KIRREL3: variants seen among roughly 807,000 people sequenced by gnomAD.
The protein encoded by KIRREL3 is kirre like nephrin family adhesion molecule 3.
Under a neutral mutation model 89.7 loss-of-function variants are expected in KIRREL3, and 36 were observed. The observed-to-expected ratio is 0.40, with a 90% CI of 0.31 to 0.53. The LOEUF (loss-of-function observed/expected upper bound fraction) is 0.53, where lower values mean the gene tolerates loss of function less well. Ranked by LOEUF, KIRREL3 falls within the 20% of genes least tolerant of loss-of-function variation. KIRREL3 has a pLI of 0.49. For missense variants in KIRREL3, 864 were observed against 1,056.6 expected, an observed-to-expected ratio of 0.82 and a Z score of 2.53; for synonymous variants, 445 against 441.4, an observed-to-expected ratio of 1.01 and a Z score of -0.10.
intron 4 of KIRREL3, among the ~76,000 whole-genome samples, chr11:126,494,052 T>C (rs1893000): frequency 0.87 from 132,655 of 152,218 alleles, 57,853 homozygotes; most frequent in East Asian, 0.96. Flanking sequence ...CAAATCAGAA[T>C]GAATGTAAAA....
rs1418761115 is a variant in KIRREL3 at position 126,908,004 on chromosome 11, T to C, written c.55+92451A>G. 1.3e-5 allele frequency among the ~76,000 whole-genome samples: 2 copies of C among 152,188 alleles called. No individual in the cohort carries two copies. Among genetic ancestry groups the C allele is most frequent in the Admixed American group, 6.5e-5 (1 of 15,278 alleles). ...CAAAGGCTTTCTTGACCACCTGTGA[T>C]GTCACACCGCCACCCAAAAGACACC... On this transcript the variant is annotated intron_variant, in intron 1 of 16. Transcript: ENST00000525144. The surrounding 1 kb of genome is among the most constrained non-coding windows in gnomAD (Gnocchi z 4.2).
intron 1 of KIRREL3, among the ~76,000 whole-genome samples, chr11:126,864,568 T>C (rs1261576710): frequency 6.6e-6 from 1 of 152,186 alleles, no homozygotes; most frequent in African/African-American, 2.4e-5. Flanking sequence ...TGAACTGGTC[T>C]TGGGTAGTCT....
chr11:126,656,897 C>T lies in KIRREL3; in HGVS notation c.56-93985G>A, dbSNP rs1004383190. 6.6e-6 allele frequency among the ~76,000 whole-genome samples: 1 copy of T among 152,088 alleles called. No homozygotes were observed. The highest frequency in any genetic ancestry group is 1.9e-4 in the East Asian group (1 of 5,148). ...TGGGACCCCGTCTCTACTAGGAATA[C>T]AGGGGTTGGCTGGGCATGGTGGTGT... On this transcript the variant is annotated intron_variant, in intron 1 of 16. Coordinates refer to ENST00000525144, the MANE Select transcript of KIRREL3 (RefSeq NM_032531.4). The surrounding 1 kb of genome is among the most constrained non-coding windows in gnomAD (Gnocchi z 4.0).
In KIRREL3 at chr11:126,428,937, G is replaced by C. The variant is rs973572337; in HGVS notation, c.1806+242C>G. ...GTTGGGATTGCAAGCGTGAGCCACT[G>C]CACCTGGCCTGGACTGCATCTTAGA... On this transcript the variant is annotated intron_variant, in intron 15 of 16. Coordinates refer to ENST00000525144, the MANE Select transcript of KIRREL3 (RefSeq NM_032531.4). This position sits in a 1 kb window ranked among gnomAD's most constrained non-coding sequence, Gnocchi z 6.4. Among the ~76,000 whole-genome samples, 10 of 152,226 alleles carry C rather than the reference G, an allele frequency of 6.6e-5. No homozygotes were observed. Among genetic ancestry groups the C allele is most frequent in the Admixed American group, 6.5e-4 (10 of 15,282 alleles).
Position 126,501,103 on chromosome 11 carries a change from A to T in KIRREL3, c.433+20212T>A, listed in dbSNP as rs1766088847. On this transcript the variant is annotated intron_variant, in intron 4 of 16. Transcript: ENST00000525144. This position sits in a 1 kb window ranked among gnomAD's most constrained non-coding sequence, Gnocchi z 5.8. ...CTCTGGGTTTCATTTCCTTGCTGTG[A>T]GCCTTGTGCGAGGCAGGATATCTCC... is the stretch of plus-strand genomic sequence containing the variant. Among the ~76,000 whole-genome samples, 1 of 152,086 alleles carries T rather than the reference A, an allele frequency of 6.6e-6. No homozygotes were observed. Among genetic ancestry groups the T allele is most frequent in the South Asian group, 2.1e-4 (1 of 4,824 alleles).
chr11:126,873,305 G>T (rs772495630), intron 1 of KIRREL3, among the ~76,000 whole-genome samples: 1 of 152,138 alleles, frequency 6.6e-6, no homozygotes, highest in Non-Finnish European at 1.5e-5. Context: ...GCTGAGGTAT[G>T]CATATAACAC....
rs1474957060 is a variant in KIRREL3, at chr11:126,677,389, C to A, written c.56-114477G>T. On this transcript the variant is annotated intron_variant, in intron 1 of 16. Coordinates refer to ENST00000525144, the MANE Select transcript of KIRREL3 (RefSeq NM_032531.4). This position sits in a 1 kb window ranked among gnomAD's most constrained non-coding sequence, Gnocchi z 5.1. ...AGGATTGCACGTTCCCATCTGATAA[C>A]CGAATCTCCATTCTGGAGAAAGGAT... Among the ~76,000 whole-genome samples, 1 of 152,190 alleles carries A rather than the reference C, an allele frequency of 6.6e-6. No homozygotes were observed. Among genetic ancestry groups the A allele is most frequent in the East Asian group, 1.9e-4 (1 of 5,196 alleles).
chr11:126,592,317 T>C (rs959849627), intron 1 of KIRREL3, among the ~76,000 whole-genome samples: 15 of 152,178 alleles, frequency 9.9e-5, no homozygotes, highest in African/African-American at 3.6e-4. Context: ...TAATACTATG[T>C]CTTATTATAC....
chr11:126,647,161 G>C lies in KIRREL3; in HGVS notation c.56-84249C>G, dbSNP rs574432551. The stretch of plus-strand genomic sequence containing the variant: ...CAAGTCTGATGGGGACCTCAGCATG[G>C]ACAGCATTTCACAATATTTAGGGAG... On this transcript the variant is annotated intron_variant, in intron 1 of 16. Transcript: ENST00000525144. The surrounding 1 kb of genome is among the most constrained non-coding windows in gnomAD (Gnocchi z 4.9). Among the ~76,000 whole-genome samples the C allele has an allele frequency of 3.9e-4, 59 of 152,136 alleles. No homozygotes were observed. Among genetic ancestry groups the C allele is most frequent in the Non-Finnish European group, 2.6e-4 (18 of 68,030 alleles).
At position 126,740,311 on chromosome 11, in the gene KIRREL3, T is replaced by C. The variant is rs990779952; in HGVS notation, c.56-177399A>G. On this transcript the variant is annotated intron_variant, in intron 1 of 16. Transcript: ENST00000525144. The surrounding 1 kb of genome is among the most constrained non-coding windows in gnomAD (Gnocchi z 6.0). ...TGAATTGAAGCAACAGCATAGAATA[T>C]GATTTTATAAACAGGATAGAAAGAA... Among the ~76,000 whole-genome samples, 22 of 152,174 alleles carry C rather than the reference T, an allele frequency of 1.4e-4. No homozygotes were observed. The highest frequency in any genetic ancestry group is 2.5e-4 in the Non-Finnish European group (17 of 68,028).
intron 1 of KIRREL3, among the ~76,000 whole-genome samples, chr11:126,767,442 G>C (rs1041406057): frequency 1.3e-5 from 2 of 152,206 alleles, no homozygotes; most frequent in African/African-American, 4.8e-5. Flanking sequence ...CTAAAGCTGG[G>C]AATGTAGACA....
Position 126,609,168 on chromosome 11 carries a change from C to T in KIRREL3, c.56-46256G>A, listed in dbSNP as rs182862598. Among the ~76,000 whole-genome samples, 31 of 152,206 alleles carry T rather than the reference C, an allele frequency of 2.0e-4. No individual in the cohort carries two copies. In the East Asian group the frequency reaches 4.8e-3, roughly 24 times the overall value. The stretch of plus-strand genomic sequence containing the variant: ...CAGCCCAGGTTGGGTTTGTTTTCCC[C>T]GCTCTGAGACCGGACCTCAGGAAAG... On this transcript the variant is annotated intron_variant, in intron 1 of 16. Transcript: ENST00000525144. This position sits in a 1 kb window ranked among gnomAD's most constrained non-coding sequence, Gnocchi z 5.0.
intron 4 of KIRREL3, among the ~76,000 whole-genome samples, chr11:126,507,932 C>T (rs1958079795): frequency 6.6e-6 from 1 of 152,144 alleles, no homozygotes; most frequent in Non-Finnish European, 1.5e-5. Flanking sequence ...CCTTTGTTGA[C>T]CTTAGTTGAC....
chr11:126,685,941 G>A lies in KIRREL3; in HGVS notation c.56-123029C>T, dbSNP rs1946649050. On this transcript the variant is annotated intron_variant, in intron 1 of 16. Coordinates refer to ENST00000525144, the MANE Select transcript of KIRREL3 (RefSeq NM_032531.4). The surrounding 1 kb of genome is among the most constrained non-coding windows in gnomAD (Gnocchi z 5.5). The stretch of plus-strand genomic sequence containing the variant: ...TCAATGCTGAATCTGCTTCCCATGT[G>A]CACAGCTTACTCCTTTGCTCCACCC... Among the ~76,000 whole-genome samples the A allele has an allele frequency of 6.6e-6, 1 of 152,186 alleles. No homozygotes were observed. Among genetic ancestry groups the A allele is most frequent in the African/African-American group, 2.4e-5 (1 of 41,432 alleles).
chr11:126,457,219 GTGTGTGTATGCATGTGTATA>G (rs1956381691), intron 6 of KIRREL3, among the ~76,000 whole-genome samples: 2 of 150,376 alleles, frequency 1.3e-5, no homozygotes, highest in Admixed American at 1.3e-4. Flanking sequence ...GTATGTGTAT[GTGTGTGTATGCATGTGTATA>G]TGTATGTGTG....
intron 1 of KIRREL3, among the ~76,000 whole-genome samples, chr11:126,585,218 C>CTGTTTTTT (rs1591778737): frequency 7.7e-6 from 1 of 130,612 alleles, no homozygotes; most frequent in East Asian, 2.3e-4. Context: ...CGCGCCCGGC[C>CTGTTTTTT]TCTTTTTTTT....
chr11:126,572,230 C>T (rs1940987193), intron 1 of KIRREL3, among the ~76,000 whole-genome samples: 1 of 152,206 alleles, frequency 6.6e-6, no homozygotes, highest in Admixed American at 6.5e-5. Flanking sequence ...CCCAGCCTGC[C>T]TCCAAGTATT....
rs1244123043 is a variant in KIRREL3, at chr11:126,906,352, G to A, written c.55+94103C>T. ...TTAAAAATAAGCATTAAAAGGTAGG[G>A]AGGTATTGGGAGAACTGGAATGATC... is the stretch of plus-strand genomic sequence containing the variant. On this transcript the variant is annotated intron_variant, in intron 1 of 16. Transcript: ENST00000525144. The surrounding 1 kb of genome is among the most constrained non-coding windows in gnomAD (Gnocchi z 4.1). Among the ~76,000 whole-genome samples the A allele has an allele frequency of 1.3e-5, 2 of 152,186 alleles. No individual in the cohort carries two copies. Among genetic ancestry groups the A allele is most frequent in the Non-Finnish European group, 2.9e-5 (2 of 68,032 alleles).
chr11:126,928,630 G>T (rs537177425), intron 1 of KIRREL3, among the ~76,000 whole-genome samples: 1 of 152,248 alleles, frequency 6.6e-6, no homozygotes, highest in African/African-American at 2.4e-5. Context: ...AGCCATGCTT[G>T]GGGGAGAGCA....
Sources: gnomAD v4.1 joint callset for allele counts (sites outside exome capture counted in the v4.1 genomes callset) on GRCh38, gnomAD v4.1.1 for gene constraint, Gnocchi (gnomAD v3.1) non-coding constraint, MANE v1.5 for transcripts, NCBI Gene and HGNC (gene_info 2026-07-23, HGNC 2026-07-21) for gene names.